Variants in GAPVD1 observed in about 807,000 individuals in gnomAD.
GAPVD1 encodes the protein GTPase activating protein and VPS9 domains 1.
GAPVD1 carries 35 observed loss-of-function variants against 155.5 expected under a neutral mutation model. That is an observed-to-expected ratio of 0.23 (90% CI 0.17 to 0.30). The LOEUF is 0.30. Ranked by LOEUF, GAPVD1 falls within the 10% of genes least tolerant of loss-of-function variation. GAPVD1 has a pLI of 1.00. For missense variants in GAPVD1, 1,429 were observed against 1,775.7 expected (o/e 0.80, Z 3.51); for synonymous variants, 636 against 619.7 (o/e 1.03, Z -0.39).
intron 23 of GAPVD1, among the ~76,000 whole-genome samples, chr9:125,353,692 CAA>C (rs1020940334): frequency 1.3e-4 from 20 of 152,110 alleles, no homozygotes; most frequent in Non-Finnish European, 2.4e-4. Context: ...TGGCAGCAGA[CAA>C]GAGAAGAGAG....
chr9:125,324,078 CTATT>C (rs1025731512), intron 11 of GAPVD1, among the ~76,000 whole-genome samples, 155 bp downstream of exon 11: 41 of 152,080 alleles, frequency 2.7e-4, no homozygotes, highest in Non-Finnish European at 1.9e-4. Flanking sequence ...TCTTCAAAAT[CTATT>C]TAGTTGGTAA....
At position 125,263,607 on chromosome 9, in the gene GAPVD1, C is replaced by T. The variant is rs1009714768; in HGVS notation, c.-199+1648C>T. The T allele has an allele frequency of 3.8e-5, 54 of 1,415,194 alleles. No individual in the cohort carries two copies. The South Asian group carries it at 4.8e-4, about 13-fold the overall frequency. 87.7% of individuals were successfully genotyped at this position (1,415,194 alleles called of 1,614,324 possible). A position where few individuals can be genotyped will look rare whatever the true frequency, so the allele number is the denominator to read the frequency against. On this transcript the variant is annotated intron_variant, in intron 1 of 27. Coordinates refer to ENST00000297933, the MANE Select transcript of GAPVD1 (RefSeq NM_001282680.3). ...TTACTGAGGTGGCTGACCACGTCCA[C>T]GACCAAATCCGTCTCAACTGGAATT... is the stretch of plus-strand genomic sequence containing the variant.
intron 2 of GAPVD1, among the ~76,000 whole-genome samples, chr9:125,276,803 A>G (rs921070132): frequency 6.6e-6 from 1 of 152,154 alleles, no homozygotes; most frequent in Non-Finnish European, 1.5e-5. Flanking sequence ...CTCTTGCCTG[A>G]GATGAAGAGC....
At chr9:125,313,525 G>A (rs1317120893) in intron 9 of GAPVD1, among the ~76,000 whole-genome samples, 2 of 151,844 alleles carry the variant, frequency 1.3e-5, no homozygotes, top group African/African-American at 2.4e-5. Flanking sequence ...GGATGGTCTC[G>A]ATCTCCTGAC....
At chr9:125,304,092 C>T (rs1841408005) in intron 5 of GAPVD1, 1 of 152,108 alleles carries the variant, frequency 6.6e-6, no homozygotes, top group African/African-American at 2.4e-5. Flanking sequence ...TAGTCTCACT[C>T]TGTCACCCAG....
chr9:125,352,920 G>A (rs891643947), intron 23 of GAPVD1, among the ~76,000 whole-genome samples: 5 of 152,072 alleles, frequency 3.3e-5, no homozygotes, highest in East Asian at 3.9e-4. Context: ...CAGCCTGGCT[G>A]ACATGGTGAA....
intron 2 of GAPVD1, among the ~76,000 whole-genome samples, chr9:125,289,138 T>C (rs182305167): frequency 2.0e-5 from 3 of 152,262 alleles, no homozygotes; most frequent in East Asian, 1.9e-4. Context: ...CTGCCTACTT[T>C]TACTCCCAAT....
chr9:125,298,481 A>ATTT (rs34644117), intron 3 of GAPVD1, among the ~76,000 whole-genome samples: 2,215 of 89,248 alleles, frequency 0.025, 362 homozygotes, highest in African/African-American at 0.096. Flanking sequence ...ATGTAACCTA[A>ATTT]TTTTTTTTTT....
In GAPVD1 at chr9:125,337,685, C is replaced by T. The variant is rs111655430; in HGVS notation, c.2877+94C>T. 6.6e-5 allele frequency: 78 copies of T among 1,185,290 alleles called. No homozygotes were observed. The African/African-American group carries it at 8.1e-4, about 12-fold the overall frequency. 73.4% of individuals were successfully genotyped at this position (1,185,290 alleles called of 1,614,324 possible). ...CATGGAATATATAAATCTAGGATTACAGATAGAGAGTAGTCATGATTAAAG... is the reference window on the plus strand; with the variant it reads ...CATGGAATATATAAATCTAGGATTATAGATAGAGAGTAGTCATGATTAAAG... On this transcript the variant is annotated intron_variant, in intron 17 of 27. Coordinates refer to ENST00000297933, the MANE Select transcript of GAPVD1 (RefSeq NM_001282680.3).
chr9:125,282,017 A>G (rs937157105), intron 2 of GAPVD1, among the ~76,000 whole-genome samples: 1 of 152,162 alleles, frequency 6.6e-6, no homozygotes. Context: ...TTAGTGGCTC[A>G]TGCCTGTAAT....
chr9:125,355,958 TAAAAGGA>T, intron 25 of GAPVD1, 101 bp downstream of exon 25: 1 of 687,648 alleles, frequency 1.5e-6, no homozygotes, highest in Non-Finnish European at 2.6e-6. Context: ...TGTCTGATTG[TAAAAGGA>T]AATTCATTGG....
rs749152514 is a variant in GAPVD1 at position 125,302,646 on chromosome 9, C to T, written c.849C>T (p.Ile283=). The T allele has an allele frequency of 2.6e-5, 42 of 1,613,562 alleles. 1 individual carries two copies. Among genetic ancestry groups the T allele is most frequent in the Admixed American group, 6.7e-5 (4 of 59,966 alleles). The change falls in exon 5 of 28, where the codon ATC becomes ATT. Residue 283 remains isoleucine (I), a synonymous_variant. Coordinates refer to ENST00000297933, the MANE Select transcript of GAPVD1 (RefSeq NM_001282680.3). ...GTTTTCCACATAGTTTAAGGTGGAT[C>T]GTGTCTCAGATGTACAAAACCCTCT... The part of the protein sequence containing the change: ...TYCFPHSLRW[I]VSQMYKTLSC...
chr9:125,312,634 A>G (rs1205798240), intron 9 of GAPVD1, 22 bp downstream of exon 9: 1 of 1,554,390 alleles, frequency 6.4e-7, no homozygotes, highest in African/African-American at 1.4e-5. Flanking sequence ...TTGCTTCTAT[A>G]AATCAATATT....
intron 1 of GAPVD1, chr9:125,264,178 T>C (rs1833444265): frequency 1.5e-6 from 1 of 662,210 alleles, no homozygotes; most frequent in Non-Finnish European, 2.7e-6. Flanking sequence ...AAAATTTGGA[T>C]GGGATCAGGG....
At chr9:125,352,347 G>A (rs545788957) in intron 23 of GAPVD1, among the ~76,000 whole-genome samples, 4 of 152,324 alleles carry the variant, frequency 2.6e-5, no homozygotes, top group South Asian at 2.1e-4. Flanking sequence ...GCATCCAGGC[G>A]TTTCTATACA....
At position 125,354,608 on chromosome 9, in the gene GAPVD1, A is replaced by G. The variant is rs569231752; in HGVS notation, c.3570-46A>G. On this transcript the variant is annotated intron_variant, in intron 23 of 27. Transcript: ENST00000297933. ...AGGACCCTTATTCTTCAAAGAGAGT[A>G]TGCACTGAATATATCTGATGTCATG... The G allele has an allele frequency of 1.5e-5, 18 of 1,232,514 alleles. No homozygotes were observed. In the East Asian group the frequency reaches 3.7e-4, roughly 25 times the overall value. 76.3% of individuals were successfully genotyped at this position (1,232,514 alleles called of 1,614,324 possible).
chr9:125,267,362 C>T (rs1233304155), intron 1 of GAPVD1, among the ~76,000 whole-genome samples: 1 of 152,120 alleles, frequency 6.6e-6, no homozygotes, highest in Non-Finnish European at 1.5e-5. Flanking sequence ...TCAAGCTGTC[C>T]TCCCACTTCA....
At chr9:125,361,622 C>T (rs1222374579) in intron 27 of GAPVD1, among the ~76,000 whole-genome samples, 1 of 151,860 alleles carries the variant, frequency 6.6e-6, no homozygotes, top group Non-Finnish European at 1.5e-5. Context: ...ATACTTTTAC[C>T]ATCTTCTTTA....
intron 9 of GAPVD1, among the ~76,000 whole-genome samples, chr9:125,318,053 G>A (rs980856942): frequency 6.6e-6 from 1 of 152,074 alleles, no homozygotes; most frequent in African/African-American, 2.4e-5. Flanking sequence ...TTGGGAGGCC[G>A]CTCTCACTGC....
Sources: gnomAD v4.1 joint callset for allele counts (sites outside exome capture counted in the v4.1 genomes callset) on GRCh38, gnomAD v4.1.1 for gene constraint, MANE v1.5 for transcripts, NCBI Gene and HGNC (gene_info 2026-07-23, HGNC 2026-07-21) for gene names.